The following COL25A1 variants were observed in gnomAD, a reference collection of about 807,000 sequenced individuals.
The protein encoded by COL25A1 is collagen type XXV alpha 1 chain, also known as collagen alpha-1(XXV) chain.
COL25A1 carries 103 observed loss-of-function variants against 128.4 expected under a neutral mutation model. The ratio of observed to expected loss-of-function variants is 0.80; its 90% CI spans 0.68 to 0.94. The LOEUF is 0.94. Among genes scored for constraint, COL25A1 ranks in the 40% least tolerant of loss-of-function variants. The probability of loss-of-function intolerance (pLI) is 0.00; values close to 1 mark genes in which losing one functional copy is unlikely to be tolerated. For missense variants in COL25A1, 745 were observed against 840.0 expected, an observed-to-expected ratio of 0.89 and a Z score of 1.40; for synonymous variants, 279 against 277.2, an observed-to-expected ratio of 1.01 and a Z score of -0.06.
intron 31 of COL25A1, among the ~76,000 whole-genome samples, chr4:108,835,862 T>C (rs1733730418): frequency 2.3e-4 from 1 of 4,276 alleles, no homozygotes; most frequent in South Asian, 0.013. Context: ...TACATACGTC[T>C]TTTTTTTTTT....
rs553391311 is a variant in COL25A1 at position 109,104,765 on chromosome 4, T to A, written c.368-54586A>T. On this transcript the variant is annotated intron_variant, in intron 3 of 37. Transcript: ENST00000399132. ...GGCAACCTATAAATTAAAGGAAACG[T>A]ATACATCTCAACCAGTTGTAAGACG... is the stretch of plus-strand genomic sequence containing the variant. 1.3e-4 allele frequency among the ~76,000 whole-genome samples: 20 copies of A among 152,294 alleles called. No homozygotes were observed. The South Asian group carries it at 3.9e-3, about 30-fold the overall frequency.
At chr4:109,000,982 A>C (rs754319180) in intron 6 of COL25A1, among the ~76,000 whole-genome samples, 7 of 152,046 alleles carry the variant, frequency 4.6e-5, no homozygotes, top group Non-Finnish European at 8.8e-5. Flanking sequence ...TGAAGAGAAA[A>C]GAAGTAAATG....
At chr4:108,933,851 G>GACACACACACAC (rs3065581) in intron 11 of COL25A1, among the ~76,000 whole-genome samples, 18 of 148,662 alleles carry the variant, frequency 1.2e-4, no homozygotes, top group Non-Finnish European at 2.4e-4. Context: ...CAAGTTCACA[G>GACACACACACAC]ACACACACAC....
intron 3 of COL25A1, among the ~76,000 whole-genome samples, chr4:109,151,606 G>A (rs1381558378): frequency 6.6e-6 from 1 of 152,122 alleles, no homozygotes; most frequent in East Asian, 1.9e-4. Flanking sequence ...ACTGGTTATG[G>A]GAATCCCTCC....
At chr4:109,006,515 C>T (rs754068202) in intron 6 of COL25A1, among the ~76,000 whole-genome samples, 25 of 147,678 alleles carry the variant, frequency 1.7e-4, no homozygotes, top group Non-Finnish European at 3.3e-4. Context: ...GTTGGGATTA[C>T]AGGTGTGAGC....
At chr4:108,975,385 G>A (rs780420525) in intron 6 of COL25A1, among the ~76,000 whole-genome samples, 6 of 152,248 alleles carry the variant, frequency 3.9e-5, no homozygotes, top group Non-Finnish European at 7.3e-5. Flanking sequence ...GAACCTGGGA[G>A]GTGGAGGTTG....
intron 4 of COL25A1, among the ~76,000 whole-genome samples, chr4:109,048,845 G>A (rs1760714506): frequency 6.6e-6 from 1 of 151,906 alleles, no homozygotes; most frequent in African/African-American, 2.4e-5. Context: ...TCTTTCTTTT[G>A]ACAAAGATCA....
At chr4:109,014,171 G>A (rs973183945) in intron 5 of COL25A1, among the ~76,000 whole-genome samples, 6 of 152,124 alleles carry the variant, frequency 3.9e-5, no homozygotes, top group East Asian at 3.9e-4. Flanking sequence ...GCTGGGCGTG[G>A]TGGCACGCAC....
intron 3 of COL25A1, among the ~76,000 whole-genome samples, chr4:109,172,536 C>G (rs181482729): frequency 1.3e-5 from 2 of 151,766 alleles, no homozygotes; most frequent in East Asian, 1.9e-4. Flanking sequence ...GCCTGTAGGA[C>G]GATAATCCAT....
intron 6 of COL25A1, among the ~76,000 whole-genome samples, chr4:108,976,283 C>T (rs1752435947): frequency 2.0e-5 from 3 of 152,240 alleles, no homozygotes; most frequent in Admixed American, 2.0e-4. Flanking sequence ...AGGTAAAAGT[C>T]AAGATGCTTT....
chr4:109,240,129 G>A (rs1324686674), intron 3 of COL25A1, among the ~76,000 whole-genome samples: 1 of 152,040 alleles, frequency 6.6e-6, no homozygotes, highest in Non-Finnish European at 1.5e-5. Context: ...TTAATAAGTA[G>A]GGGAGCAGTC....
intron 6 of COL25A1, among the ~76,000 whole-genome samples, chr4:108,979,268 T>C (rs1442122036): frequency 6.6e-6 from 1 of 152,228 alleles, no homozygotes; most frequent in Non-Finnish European, 1.5e-5. Flanking sequence ...TAACTAAGGT[T>C]TTAGCTTTTT....
chr4:108,846,266 C>T (rs375000479), intron 27 of COL25A1, 47 bp from the exon 28 acceptor site: 46 of 1,117,162 alleles, frequency 4.1e-5, no homozygotes, highest in Admixed American at 2.3e-4. Context: ...TAATGACCCC[C>T]GATAATTACA....
intron 3 of COL25A1, among the ~76,000 whole-genome samples, chr4:109,259,645 CT>C (rs1781301058): frequency 6.6e-6 from 1 of 152,184 alleles, no homozygotes; most frequent in Non-Finnish European, 1.5e-5. Context: ...CTTACCAAGA[CT>C]TGTGGCTACC....
intron 3 of COL25A1, among the ~76,000 whole-genome samples, chr4:109,267,111 G>A (rs529595103): frequency 6.6e-6 from 1 of 152,284 alleles, no homozygotes; most frequent in Admixed American, 6.5e-5. Flanking sequence ...CTGGTAGAGA[G>A]GCTAATGAAC....
At position 108,853,154 on chromosome 4, in the gene COL25A1, A is replaced by G. The variant is rs1466094142; in HGVS notation, c.1321-229T>C. Among the ~76,000 whole-genome samples the G allele has an allele frequency of 3.3e-5, 5 of 152,168 alleles. No individual in the cohort carries two copies. In the East Asian group the frequency reaches 9.6e-4, roughly 29 times the overall value. ...CTATTTAAAAAATCTATGGCTGAAG[A>G]AAAAGAAATGTCAAAATTTTAATTC... On this transcript the variant is annotated intron_variant, in intron 24 of 37. Transcript: ENST00000399132.
intron 3 of COL25A1, among the ~76,000 whole-genome samples, chr4:109,071,608 AC>A (rs1374550382): frequency 6.6e-6 from 1 of 152,188 alleles, no homozygotes; most frequent in Non-Finnish European, 1.5e-5. Flanking sequence ...CAAGAAAAAA[AC>A]AAACAACCCC....
intron 19 of COL25A1, among the ~76,000 whole-genome samples, chr4:108,881,764 T>A (rs1388971782): frequency 1.3e-5 from 2 of 152,200 alleles, no homozygotes; most frequent in Non-Finnish European, 2.9e-5. Flanking sequence ...TTAAATTGTC[T>A]CCTTTTCAAA....
At chr4:109,204,213 A>G (rs1480100204) in intron 3 of COL25A1, among the ~76,000 whole-genome samples, 1 of 152,182 alleles carries the variant, frequency 6.6e-6, no homozygotes, top group Non-Finnish European at 1.5e-5. Flanking sequence ...TTTTAAAACT[A>G]TATACCTATA....
Sources: allele counts gnomAD v4.1 joint callset (sites outside exome capture counted in the v4.1 genomes callset), GRCh38; gene constraint gnomAD v4.1.1; transcripts MANE v1.5; gene names NCBI Gene and HGNC (gene_info 2026-07-23, HGNC 2026-07-21).